The following COL15A1 variants were observed in gnomAD, a reference collection of about 807,000 sequenced individuals.
COL15A1 encodes the protein collagen type XV alpha 1 chain.
In COL15A1, 111 loss-of-function variants were observed where a neutral mutation model predicts 165.9. The observed-to-expected ratio is 0.67, with a 90% CI of 0.57 to 0.78. The LOEUF (loss-of-function observed/expected upper bound fraction) is 0.78. Ranked by LOEUF, COL15A1 falls within the 30% of genes least tolerant of loss-of-function variation. The pLI, the probability that COL15A1 is intolerant of heterozygous loss-of-function variation, is 0.00. For synonymous variants in COL15A1, 659 were observed against 674.8 expected, an observed-to-expected ratio of 0.98 and a Z score of 0.36; for missense variants, 1,745 against 1,789.7, an observed-to-expected ratio of 0.98 and a Z score of 0.45.
At chr9:99,012,197 G>A (rs144031375) in intron 9 of COL15A1, among the ~76,000 whole-genome samples, 113 of 152,332 alleles carry the variant, frequency 7.4e-4, no homozygotes, top group African/African-American at 2.5e-3. Flanking sequence ...GACTTAAGTC[G>A]TGTGAACTTG....
chr9:98,986,709 G>A (rs1838320007), intron 3 of COL15A1, among the ~76,000 whole-genome samples: 3 of 152,222 alleles, frequency 2.0e-5, no homozygotes, highest in Non-Finnish European at 1.5e-5. Context: ...ATTTACTGAT[G>A]TCTCGTTGGT....
chr9:98,960,126 G>C (rs149619187), intron 2 of COL15A1, among the ~76,000 whole-genome samples: 2 of 152,282 alleles, frequency 1.3e-5, no homozygotes, highest in Admixed American at 1.3e-4. Flanking sequence ...AGAGTCCCAA[G>C]GCCGGGCACA....
At chr9:99,028,428 G>A (rs557151044) in intron 16 of COL15A1, among the ~76,000 whole-genome samples, 51 of 152,114 alleles carry the variant, frequency 3.4e-4, no homozygotes, top group South Asian at 6.2e-4. Flanking sequence ...TGAGATGGGC[G>A]GATCATGAGG....
chr9:99,029,331 C>CA (rs1169981043), intron 16 of COL15A1, among the ~76,000 whole-genome samples: 3 of 152,158 alleles, frequency 2.0e-5, no homozygotes, highest in African/African-American at 7.2e-5. Flanking sequence ...ACTGAGCTGC[C>CA]AAACTGTCAT....
At chr9:98,984,960 T>C (rs915793244) in intron 2 of COL15A1, among the ~76,000 whole-genome samples, 4 of 152,092 alleles carry the variant, frequency 2.6e-5, no homozygotes, top group Non-Finnish European at 5.9e-5. Context: ...CCTGGATAAT[T>C]TTTGTATTTT....
At chr9:99,032,294 A>G (rs1839223185) in intron 16 of COL15A1, among the ~76,000 whole-genome samples, 1 of 151,990 alleles carries the variant, frequency 6.6e-6, no homozygotes, top group Non-Finnish European at 1.5e-5. Context: ...GGTTCAAACG[A>G]TTCTCCTGCC....
chr9:99,003,640 T>C, intron 8 of COL15A1, 53 bp downstream of exon 8: 1 of 1,442,708 alleles, frequency 6.9e-7, no homozygotes, highest in Non-Finnish European at 9.2e-7. Flanking sequence ...GGTTGTGGGT[T>C]GTGTTGGGTG....
intron 10 of COL15A1, 38 bp from the exon 11 acceptor site, chr9:99,015,938 G>A (rs41283636): frequency 0.074 from 119,026 of 1,603,418 alleles, 5,045 homozygotes; most frequent in Non-Finnish European, 0.085. Flanking sequence ...CCTCATGAGC[G>A]AGGTGAGGTG....
chr9:99,014,689 G>C (rs562298446), intron 9 of COL15A1, among the ~76,000 whole-genome samples: 1 of 152,178 alleles, frequency 6.6e-6, no homozygotes, highest in African/African-American at 2.4e-5. Flanking sequence ...AGACATGCCC[G>C]TGACACAGCC....
chr9:98,992,468 G>T (rs1838458761), intron 5 of COL15A1, among the ~76,000 whole-genome samples: 1 of 152,196 alleles, frequency 6.6e-6, no homozygotes, highest in African/African-American at 2.4e-5. Flanking sequence ...CGCAGCCCTG[G>T]TTCCTGCCCA....
chr9:98,963,028 G>A (rs1181423878), intron 2 of COL15A1, among the ~76,000 whole-genome samples: 5 of 152,214 alleles, frequency 3.3e-5, no homozygotes, highest in Non-Finnish European at 5.9e-5. Flanking sequence ...CAGGAATAGC[G>A]TGTGGAGCTG....
chr9:99,032,554 G>A (rs10988605), intron 16 of COL15A1, among the ~76,000 whole-genome samples: 1 of 151,992 alleles, frequency 6.6e-6, no homozygotes, highest in Non-Finnish European at 1.5e-5. Flanking sequence ...ACTTTTTTTG[G>A]GGGGAGGGGT....
chr9:99,013,843 G>A (rs6478966), intron 9 of COL15A1, among the ~76,000 whole-genome samples: 61,827 of 152,032 alleles, frequency 0.41, 13,666 homozygotes, highest in East Asian at 0.68. Context: ...TTGAGTCATT[G>A]GAAGCCTCCT....
At chr9:98,994,700 CT>C (rs1248542076) in intron 5 of COL15A1, among the ~76,000 whole-genome samples, 1 of 152,140 alleles carries the variant, frequency 6.6e-6, no homozygotes, top group East Asian at 1.9e-4. Flanking sequence ...ATGAGTAAAT[CT>C]GATTGTGTGG....
At chr9:98,971,634 G>A (rs1033642435) in intron 2 of COL15A1, among the ~76,000 whole-genome samples, 3 of 152,212 alleles carry the variant, frequency 2.0e-5, no homozygotes, top group African/African-American at 7.2e-5. Flanking sequence ...AGGAAGGGAC[G>A]TAAAGACCCC....
At chr9:98,984,400 C>A (rs747920403) in intron 2 of COL15A1, among the ~76,000 whole-genome samples, 10 of 152,234 alleles carry the variant, frequency 6.6e-5, no homozygotes, top group Non-Finnish European at 1.2e-4. Flanking sequence ...GGAGCTCCAC[C>A]ATTTCTCCCT....
chr9:99,004,252 G>A (rs892097671), intron 8 of COL15A1, among the ~76,000 whole-genome samples: 1 of 152,190 alleles, frequency 6.6e-6, no homozygotes, highest in Non-Finnish European at 1.5e-5. Context: ...GGGTGGGGAA[G>A]CAAACTTGGA....
At chr9:98,944,312 T>C in intron 2 of COL15A1, 62 bp downstream of exon 2, 1 of 1,516,246 alleles carries the variant, frequency 6.6e-7, no homozygotes, top group Non-Finnish European at 9.0e-7. Context: ...AAGTCGGTTT[T>C]GGCGGCGGAC....
At chr9:98,968,700 C>T (rs755432212) in intron 2 of COL15A1, among the ~76,000 whole-genome samples, 8 of 152,120 alleles carry the variant, frequency 5.3e-5, no homozygotes, top group Non-Finnish European at 7.4e-5. Context: ...TCTTTTCTGG[C>T]GGTCACCACT....
Sources: allele counts gnomAD v4.1 joint callset (sites outside exome capture counted in the v4.1 genomes callset), GRCh38; gene constraint gnomAD v4.1.1; transcripts MANE v1.5; gene names NCBI Gene and HGNC (gene_info 2026-07-23, HGNC 2026-07-21).